TNPO3: variants seen among roughly 807,000 people sequenced by gnomAD.
The protein encoded by TNPO3 is transportin 3.
TNPO3 carries 65 observed loss-of-function variants against 122.8 expected under a neutral mutation model. The ratio of observed to expected loss-of-function variants is 0.53; its 90% CI spans 0.43 to 0.65. The LOEUF (loss-of-function observed/expected upper bound fraction) is 0.65, where lower values mean the gene tolerates loss of function less well. Ranked by LOEUF, TNPO3 falls within the 30% of genes least tolerant of loss-of-function variation. TNPO3 has a pLI of 0.00. For missense variants in TNPO3, 850 were observed against 1,136.7 expected, an observed-to-expected ratio of 0.75 and a Z score of 3.63; for synonymous variants, 372 against 411.2, an observed-to-expected ratio of 0.90 and a Z score of 1.15.
chr7:128,974,893 C>T lies in TNPO3; in HGVS notation c.2248G>A (p.Asp750Asn). Residue 750 changes from aspartate to asparagine, a missense_variant, in exon 18 of 23, where the codon GAT (aspartate) becomes AAT (asparagine). Coordinates refer to ENST00000265388, the MANE Select transcript of TNPO3 (RefSeq NM_012470.4). Reference protein sequence around the residue: ...NGLQNHPDTVDDLFRLATRFI... With the variant: ...NGLQNHPDTVNDLFRLATRFI... ...CTGGTGGCTAGCCGGAACAGGTCATCTACAGTGTCAGGGTGATTCTGGAGA... is the reference window on the plus strand; with the variant it reads ...CTGGTGGCTAGCCGGAACAGGTCATTTACAGTGTCAGGGTGATTCTGGAGA... The T allele has an allele frequency of 6.2e-7, 1 of 1,614,194 alleles. No individual in the cohort carries two copies. The highest frequency in any genetic ancestry group is 8.5e-7 in the Non-Finnish European group (1 of 1,180,026).
At chr7:129,032,554 G>A (rs371188436) in intron 1 of TNPO3, among the ~76,000 whole-genome samples, 2 of 152,190 alleles carry the variant, frequency 1.3e-5, no homozygotes, top group African/African-American at 4.8e-5. Flanking sequence ...AAAATTAGTT[G>A]CTTCTACATA....
At chr7:128,990,233 T>C in intron 10 of TNPO3, 133 bp from the exon 11 acceptor site, 1 of 964,250 alleles carries the variant, frequency 1.0e-6, no homozygotes, top group South Asian at 1.3e-5. Flanking sequence ...AAGTACTTGG[T>C]ATTTGTTATG....
At chr7:129,018,197 CTTTTCTAA>C (rs1804059534) in intron 1 of TNPO3, 40 bp from the exon 2 acceptor site, 3 of 1,590,778 alleles carry the variant, frequency 1.9e-6, no homozygotes, top group South Asian at 2.3e-5. Context: ...AAGAAGACTA[CTTTTCTAA>C]TTTTAATGAC....
chr7:128,967,208 G>A, intron 21 of TNPO3, 72 bp downstream of exon 21: 1 of 1,010,772 alleles, frequency 9.9e-7, no homozygotes, highest in South Asian at 1.4e-5. Flanking sequence ...CATTTCCCAA[G>A]GGCACATAAG....
intron 1 of TNPO3, among the ~76,000 whole-genome samples, chr7:129,048,784 G>A (rs1268441833): frequency 3.3e-5 from 5 of 152,198 alleles, no homozygotes; most frequent in Non-Finnish European, 5.9e-5. Flanking sequence ...AAAAATGTGA[G>A]TTATCCAACT....
chr7:128,996,806 T>C (rs1801384802), intron 8 of TNPO3, among the ~76,000 whole-genome samples: 1 of 150,062 alleles, frequency 6.7e-6, no homozygotes, highest in African/African-American at 2.4e-5. Context: ...TCTCTTACCA[T>C]ATCATCATTT....
chr7:129,007,029 CA>C (rs1452605986), intron 4 of TNPO3, among the ~76,000 whole-genome samples: 1 of 152,124 alleles, frequency 6.6e-6, no homozygotes, highest in Non-Finnish European at 1.5e-5. Context: ...CATTACATTT[CA>C]GGGGGAGGAA....
At chr7:128,990,222 A>C in intron 10 of TNPO3, 122 bp from the exon 11 acceptor site, 1 of 1,041,986 alleles carries the variant, frequency 9.6e-7, no homozygotes, top group South Asian at 1.3e-5. Flanking sequence ...CATTAAGATA[A>C]AAGTACTTGG....
In TNPO3 at chr7:129,000,550, C is replaced by T. The variant is rs1322479758; in HGVS notation, c.890G>A (p.Arg297His). ...AGTTTCACATAGTTCAGTGAAAATA[C>T]GGCAGTAATTCAGAACTCTGTAGAA... ...EDLDKVLNYC[R>H]IFTELCETFL... The change falls in exon 7 of 23, where the codon CGT (arginine) becomes CAT (histidine). Residue 297 changes from arginine to histidine, a missense_variant. By Grantham distance (29) the Arg-to-His change is conservative. Coordinates refer to ENST00000265388, the MANE Select transcript of TNPO3 (RefSeq NM_012470.4). 7.4e-6 allele frequency: 12 copies of T among 1,613,556 alleles called. No individual in the cohort carries two copies. The highest frequency in any genetic ancestry group is 1.0e-5 in the Non-Finnish European group (12 of 1,179,758).
At chr7:129,004,668 C>T (rs1313308096) in intron 5 of TNPO3, among the ~76,000 whole-genome samples, 1 of 152,130 alleles carries the variant, frequency 6.6e-6, no homozygotes, top group African/African-American at 2.4e-5. Context: ...GTGATGCACA[C>T]ATAATTATAT....
In TNPO3 at chr7:129,023,050, GT is replaced by G. The variant is rs976849790; in HGVS notation, c.121-4894del. 7.2e-5 allele frequency among the ~76,000 whole-genome samples: 11 copies of G among 152,276 alleles called. 1 individual carries two copies. In the East Asian group the frequency reaches 1.9e-3, roughly 27 times the overall value. On this transcript the variant is annotated intron_variant, in intron 1 of 22. Transcript: ENST00000265388. ...GGAGAGCACATGCAAAACTATGCTT[GT>G]TTTTGGTGTATATACTGATAGTAGT...
intron 1 of TNPO3, among the ~76,000 whole-genome samples, chr7:129,047,624 T>A (rs1808210963): frequency 6.6e-6 from 1 of 152,198 alleles, no homozygotes; most frequent in South Asian, 2.1e-4. Flanking sequence ...ATATTCAAAT[T>A]ATACCTCTAT....
At chr7:128,977,704 C>T (rs1392766229) in intron 16 of TNPO3, among the ~76,000 whole-genome samples, 4 of 151,460 alleles carry the variant, frequency 2.6e-5, no homozygotes, top group African/African-American at 9.7e-5. Context: ...TCAAATGATT[C>T]TCCTTCCTCA....
chr7:128,983,866 T>A (rs537656692), intron 13 of TNPO3, among the ~76,000 whole-genome samples: 1 of 152,340 alleles, frequency 6.6e-6, no homozygotes, highest in South Asian at 2.1e-4. Context: ...GCACACTTTC[T>A]CAGAACTCCT....
intron 1 of TNPO3, among the ~76,000 whole-genome samples, chr7:129,025,529 G>A: frequency 6.6e-6 from 1 of 152,076 alleles, no homozygotes; most frequent in Non-Finnish European, 1.5e-5. Flanking sequence ...TATGTCAAAT[G>A]GTACAAGAAA....
At chr7:129,050,115 C>G (rs1024896284) in intron 1 of TNPO3, among the ~76,000 whole-genome samples, 2 of 151,786 alleles carry the variant, frequency 1.3e-5, no homozygotes, top group Admixed American at 6.6e-5. Context: ...TGGGCGCAGT[C>G]ACTCATGCCT....
chr7:129,005,302 C>CT, intron 4 of TNPO3, 143 bp from the exon 5 acceptor site: 1 of 756,674 alleles, frequency 1.3e-6, no homozygotes, highest in Non-Finnish European at 1.9e-6. Context: ...TTAAGTGTCA[C>CT]TGTTTTTTTT....
intron 19 of TNPO3, 141 bp downstream of exon 19, chr7:128,972,285 T>C (rs976969253): frequency 1.1e-6 from 1 of 925,222 alleles, no homozygotes. Flanking sequence ...ATATTTTGGC[T>C]AGTGAATGAT....
rs574155504 is a variant in TNPO3 at position 128,967,186 on chromosome 7, C to T, written c.2711+94G>A. The T allele has an allele frequency of 3.2e-5, 27 of 843,686 alleles. 1 individual carries two copies. In the African/African-American group the frequency reaches 4.1e-4, roughly 13 times the overall value. 52.3% of individuals were successfully genotyped at this position (843,686 alleles called of 1,614,324 possible). A position where few individuals can be genotyped will look rare whatever the true frequency, so the allele number is the denominator to read the frequency against. On this transcript the variant is annotated intron_variant, in intron 21 of 22. Transcript: ENST00000265388. ...TTTGTGCAATTCAAGGTTAAACAAACTATAAATTGTCCATTTCCCAAGGGC... is the reference window on the plus strand; with the variant it reads ...TTTGTGCAATTCAAGGTTAAACAAATTATAAATTGTCCATTTCCCAAGGGC...
Sources: gnomAD v4.1 joint callset for allele counts (sites outside exome capture counted in the v4.1 genomes callset) on GRCh38, gnomAD v4.1.1 for gene constraint, MANE v1.5 for transcripts, NCBI Gene and HGNC (gene_info 2026-07-23, HGNC 2026-07-21) for gene names.